The following TIAM2 variants were observed in gnomAD, a reference collection of about 807,000 sequenced individuals.
The protein encoded by TIAM2 is rho guanine nucleotide exchange factor TIAM2.
TIAM2 carries 80 observed loss-of-function variants against 152.9 expected under a neutral mutation model. That is an observed-to-expected ratio of 0.52 (90% CI 0.44 to 0.63). The LOEUF (loss-of-function observed/expected upper bound fraction) is 0.63, where lower values mean the gene tolerates loss of function less well. Among genes scored for constraint, TIAM2 ranks in the 30% least tolerant of loss-of-function variants. The pLI, the probability that TIAM2 is intolerant of heterozygous loss-of-function variation, is 0.00. For synonymous variants in TIAM2, 804 were observed against 838.0 expected, an observed-to-expected ratio of 0.96 and a Z score of 0.70; for missense variants, 1,965 against 2,120.1, an observed-to-expected ratio of 0.93 and a Z score of 1.44.
chr6:155,234,564 G>A (rs573777293), intron 15 of TIAM2, among the ~76,000 whole-genome samples: 9 of 152,304 alleles, frequency 5.9e-5, no homozygotes, highest in African/African-American at 1.7e-4. Flanking sequence ...CACCATGGCC[G>A]GCTAATTTTT....
chr6:155,153,099 AATC>A (rs533504463), intron 7 of TIAM2, among the ~76,000 whole-genome samples: 5 of 152,050 alleles, frequency 3.3e-5, no homozygotes, highest in African/African-American at 7.2e-5. Flanking sequence ...TCTTTGACAG[AATC>A]ATCACTTTAG....
At chr6:155,007,516 A>G (rs565908586) in intron 1 of TIAM2, among the ~76,000 whole-genome samples, 186 of 152,098 alleles carry the variant, frequency 1.2e-3, no homozygotes, top group African/African-American at 4.2e-3. Flanking sequence ...TAAGGAAAAC[A>G]TCTGGTTTCT....
chr6:155,037,333 A>G (rs542034103), intron 1 of TIAM2, among the ~76,000 whole-genome samples: 67 of 152,260 alleles, frequency 4.4e-4, no homozygotes, highest in African/African-American at 1.6e-3. Flanking sequence ...GAAGGTGACC[A>G]TCTTTCCTTT....
chr6:155,189,442 T>C lies in TIAM2; in HGVS notation c.3064+5942T>C, dbSNP rs563393686. Among the ~76,000 whole-genome samples, 231 of 152,302 alleles carry C rather than the reference T, an allele frequency of 1.5e-3. No homozygotes were observed. In the Middle Eastern group the frequency reaches 0.017, roughly 11 times the overall value. On this transcript the variant is annotated intron_variant, in intron 14 of 26. Coordinates refer to ENST00000682666, the MANE Select transcript of TIAM2 (RefSeq NM_012454.4). ...TGGTCTCAGAATTACGAGTTTGTTTTGTCTGTGCTGAAGATCGGTTTCATT... is the reference window on the plus strand; with the variant it reads ...TGGTCTCAGAATTACGAGTTTGTTTCGTCTGTGCTGAAGATCGGTTTCATT...
At chr6:155,049,521 T>C (rs1283330697) in intron 1 of TIAM2, among the ~76,000 whole-genome samples, 1 of 152,182 alleles carries the variant, frequency 6.6e-6, no homozygotes, top group East Asian at 1.9e-4. Context: ...GTGACTTGGC[T>C]GGTTCTGGAA....
intron 13 of TIAM2, 23 bp downstream of exon 13, chr6:155,182,341 C>T (rs1212784238): frequency 1.9e-6 from 3 of 1,585,532 alleles, no homozygotes; most frequent in Non-Finnish European, 1.7e-6. Flanking sequence ...CACCGTGCCC[C>T]TGTTGCCTCT....
At chr6:155,114,938 C>T (rs1778975593) in intron 2 of TIAM2, among the ~76,000 whole-genome samples, 1 of 152,224 alleles carries the variant, frequency 6.6e-6, no homozygotes, top group East Asian at 1.9e-4. Flanking sequence ...CGCAATTCTC[C>T]TGTCTCAGCC....
chr6:155,207,094 C>T (rs1781615851), intron 14 of TIAM2, among the ~76,000 whole-genome samples: 1 of 152,162 alleles, frequency 6.6e-6, no homozygotes, highest in Non-Finnish European at 1.5e-5. Flanking sequence ...GCAGGATATA[C>T]TTACTCCCTT....
At chr6:155,187,973 C>T (rs932441619) in intron 14 of TIAM2, among the ~76,000 whole-genome samples, 1 of 152,166 alleles carries the variant, frequency 6.6e-6, no homozygotes, top group African/African-American at 2.4e-5. Context: ...CCAGGGCTGG[C>T]GTGAGCACTC....
At chr6:155,114,030 A>G (rs1367922409) in intron 2 of TIAM2, among the ~76,000 whole-genome samples, 1 of 43,054 alleles carries the variant, frequency 2.3e-5, no homozygotes, top group East Asian at 4.7e-4. Flanking sequence ...ATATATATAT[A>G]TATATATTTT....
At chr6:155,216,889 TGCTGTGGAGGAAGA>T (rs1231476189) in intron 15 of TIAM2, 1 of 1,169,998 alleles carries the variant, frequency 8.5e-7, no homozygotes, top group Non-Finnish European at 1.1e-6. Flanking sequence ...TCACCGGTGC[TGCTGTGGAGGAAGA>T]GCTTGGTGGC....
intron 1 of TIAM2, among the ~76,000 whole-genome samples, chr6:155,036,838 G>A (rs9397217): frequency 0.29 from 22,033 of 75,316 alleles, 1,869 homozygotes; most frequent in East Asian, 0.51. Flanking sequence ...GGCTGGTCTC[G>A]AACTCCTGAC....
chr6:155,081,880 C>A (rs1054307123), intron 1 of TIAM2, among the ~76,000 whole-genome samples: 2 of 152,088 alleles, frequency 1.3e-5, no homozygotes, highest in Non-Finnish European at 2.9e-5. Context: ...CATTTTTGTT[C>A]TCGCTCAAGC....
At position 155,257,587 on chromosome 6, in the gene TIAM2, T is replaced by C. The variant is rs925216100; in HGVS notation, c.*466T>C. On this transcript the variant is annotated 3_prime_UTR_variant, in exon 27 of 27. Transcript: ENST00000682666. ...AGATACTTCATTTTTGTAAGATAGA[T>C]TGTAATAGATGCTGTTTATACTAAA... The C allele has an allele frequency of 5.0e-5, 23 of 460,406 alleles. No individual in the cohort carries two copies. The highest frequency in any genetic ancestry group is 4.9e-4 in the South Asian group (17 of 35,022). 28.5% of individuals were successfully genotyped at this position (460,406 alleles called of 1,614,324 possible).
intron 1 of TIAM2, among the ~76,000 whole-genome samples, chr6:155,029,631 A>G (rs1192300268): frequency 8.7e-6 from 1 of 115,438 alleles, no homozygotes; most frequent in African/African-American, 3.9e-5. Context: ...GTATATAACT[A>G]TATATAGTTA....
rs554122672 is a variant in TIAM2 at position 155,002,398 on chromosome 6, A to C, written c.-209+6906A>C. Among the ~76,000 whole-genome samples, 10 of 152,308 alleles carry C rather than the reference A, an allele frequency of 6.6e-5. No homozygotes were observed. In the South Asian group the frequency reaches 2.1e-3, roughly 32 times the overall value. On this transcript the variant is annotated intron_variant, in intron 1 of 26. Transcript: ENST00000682666. ...TGTACTCCAGCCTGGGTGACAGAGCAAGACCTCGTCTCAAAATAAAATAAA... is the reference window on the plus strand; with the variant it reads ...TGTACTCCAGCCTGGGTGACAGAGCCAGACCTCGTCTCAAAATAAAATAAA...
chr6:155,039,774 A>G (rs1251760659), intron 1 of TIAM2, among the ~76,000 whole-genome samples: 1 of 152,170 alleles, frequency 6.6e-6, no homozygotes, highest in Non-Finnish European at 1.5e-5. Context: ...GTCTCTTCCT[A>G]AATAAGAGGC....
At position 155,188,253 on chromosome 6, in the gene TIAM2, C is replaced by T. The variant is rs141616817; in HGVS notation, c.3064+4753C>T. Among the ~76,000 whole-genome samples the T allele has an allele frequency of 5.5e-4, 83 of 152,292 alleles. 3 individuals carry two copies. The East Asian group carries it at 0.012, about 21-fold the overall frequency. ...TGCTGGGCCCGTGCTTGGAAGACAC[C>T]ATGTTCCATTTGGCAAATCGCTTAC... On this transcript the variant is annotated intron_variant, in intron 14 of 26. Coordinates refer to ENST00000682666, the MANE Select transcript of TIAM2 (RefSeq NM_012454.4).
chr6:155,067,675 T>C (rs1354885256), intron 1 of TIAM2, among the ~76,000 whole-genome samples: 1 of 151,972 alleles, frequency 6.6e-6, no homozygotes, highest in African/African-American at 2.4e-5. Flanking sequence ...GGGTCTCACT[T>C]TGTTGCCCAG....
Sources: allele counts gnomAD v4.1 joint callset (sites outside exome capture counted in the v4.1 genomes callset), GRCh38; gene constraint gnomAD v4.1.1; transcripts MANE v1.5; gene names NCBI Gene and HGNC (gene_info 2026-07-23, HGNC 2026-07-21).